FHIT: variants seen among roughly 807,000 people sequenced by gnomAD.
FHIT encodes bis(5'-adenosyl)-triphosphatase.
FHIT carries 19 observed loss-of-function variants against 17.9 expected under a neutral mutation model. The ratio of observed to expected loss-of-function variants is 1.06; its 90% CI spans 0.74 to 1.56. The LOEUF (loss-of-function observed/expected upper bound fraction) is 1.56. FHIT is among the 40% of genes most tolerant of loss of function. FHIT has a pLI of 0.00. For missense variants in FHIT, 248 were observed against 189.2 expected (o/e 1.31, Z -1.82); for synonymous variants, 81 against 69.7 (o/e 1.16, Z -0.81).
intron 3 of FHIT, among the ~76,000 whole-genome samples, chr3:60,923,831 G>A (rs1707421572): frequency 6.6e-6 from 1 of 152,130 alleles, no homozygotes; most frequent in African/African-American, 2.4e-5. Context: ...GTGACAGACG[G>A]CACCTGGAAA....
chr3:60,774,644 T>C (rs544944876), intron 4 of FHIT, among the ~76,000 whole-genome samples: 1 of 152,288 alleles, frequency 6.6e-6, no homozygotes, highest in African/African-American at 2.4e-5. Flanking sequence ...TGAACAACAA[T>C]AACTAATAAT....
chr3:61,109,387 A>G (rs1374099453), intron 2 of FHIT, among the ~76,000 whole-genome samples: 8 of 152,184 alleles, frequency 5.3e-5, no homozygotes, highest in African/African-American at 1.4e-4. Context: ...CCAATGGAAC[A>G]TGGCTGTATA....
chr3:60,320,796 A>G (rs1709391273), intron 5 of FHIT, among the ~76,000 whole-genome samples: 1 of 152,232 alleles, frequency 6.6e-6, no homozygotes, highest in South Asian at 2.1e-4. Flanking sequence ...TAAATTTGAA[A>G]TGGAGGAACA....
intron 7 of FHIT, among the ~76,000 whole-genome samples, chr3:59,953,986 C>T (rs1283240756): frequency 1.3e-5 from 2 of 152,150 alleles, no homozygotes; most frequent in Non-Finnish European, 2.9e-5. Flanking sequence ...TTCTTTTGTG[C>T]CCAGATGGGA....
chr3:61,210,861 G>A (rs12492551), intron 1 of FHIT, among the ~76,000 whole-genome samples: 65,130 of 151,438 alleles, frequency 0.43, 14,377 homozygotes, highest in East Asian at 0.58. Context: ...TGGTACCTCA[G>A]TTGGAAATGC....
In FHIT at chr3:60,134,695, C is replaced by T. The variant is rs183691395; in HGVS notation, c.104-120543G>A. The stretch of plus-strand genomic sequence containing the variant: ...CCAGCCAATCCTCCAAGAGAGACAC[C>T]GACAAATGTAGACACGTAAACATGC... On this transcript the variant is annotated intron_variant, in intron 5 of 9. Coordinates refer to ENST00000492590, the MANE Select transcript of FHIT (RefSeq NM_002012.4). 1.8e-4 allele frequency among the ~76,000 whole-genome samples: 27 copies of T among 152,248 alleles called. No homozygotes were observed. In the South Asian group the frequency reaches 2.7e-3, roughly 15 times the overall value.
intron 2 of FHIT, among the ~76,000 whole-genome samples, chr3:61,179,018 T>C (rs2038244142): frequency 6.8e-6 from 1 of 147,896 alleles, no homozygotes; most frequent in Non-Finnish European, 1.5e-5. Context: ...CTTTTTTTTT[T>C]TTTTTTTTTT....
intron 8 of FHIT, among the ~76,000 whole-genome samples, chr3:59,897,474 C>A (rs1049181816): frequency 6.6e-6 from 1 of 152,166 alleles, no homozygotes; most frequent in Non-Finnish European, 1.5e-5. Context: ...TATGTTGGTC[C>A]TTCCAACTAC....
At chr3:60,926,605 G>C (rs1707629805) in intron 3 of FHIT, among the ~76,000 whole-genome samples, 1 of 152,158 alleles carries the variant, frequency 6.6e-6, no homozygotes, top group African/African-American at 2.4e-5. Flanking sequence ...GAGAAATCAG[G>C]AAAGATCTAA....
chr3:60,213,161 T>C (rs561931537), intron 5 of FHIT, among the ~76,000 whole-genome samples: 101 of 152,268 alleles, frequency 6.6e-4, no homozygotes, highest in African/African-American at 2.4e-3. Flanking sequence ...TTGGCTTATA[T>C]AACTAGGTAT....
At chr3:60,000,140 T>A (rs1450356111) in intron 7 of FHIT, among the ~76,000 whole-genome samples, 1 of 152,178 alleles carries the variant, frequency 6.6e-6, no homozygotes, top group African/African-American at 2.4e-5. Context: ...CATCCACAAC[T>A]AATGCATCTA....
At position 61,012,730 on chromosome 3, in the gene FHIT, T is replaced by G. The variant is rs960202315; in HGVS notation, c.-111+29317A>C. Among the ~76,000 whole-genome samples, 12 of 151,648 alleles carry G rather than the reference T, an allele frequency of 7.9e-5. No homozygotes were observed. In the South Asian group the frequency reaches 2.5e-3, roughly 31 times the overall value. The stretch of plus-strand genomic sequence containing the variant: ...AAAAATATAAGAAATACATATTTTT[T>G]GTTTTGATCAATCTTGTGCTAATAA... On this transcript the variant is annotated intron_variant, in intron 3 of 9. Transcript: ENST00000492590.
At chr3:60,411,488 G>A (rs150111219) in intron 5 of FHIT, among the ~76,000 whole-genome samples, 178 of 152,224 alleles carry the variant, frequency 1.2e-3, no homozygotes, top group African/African-American at 3.9e-3. Context: ...ACTGCCAAAC[G>A]TTGTAGGGTT....
At chr3:60,464,838 C>G (rs1356143512) in intron 5 of FHIT, among the ~76,000 whole-genome samples, 1 of 152,102 alleles carries the variant, frequency 6.6e-6, no homozygotes, top group Non-Finnish European at 1.5e-5. Context: ...ACAGATAGCT[C>G]TTCAATACAC....
chr3:61,155,029 C>T (rs1004577715), intron 2 of FHIT, among the ~76,000 whole-genome samples: 3 of 152,208 alleles, frequency 2.0e-5, no homozygotes, highest in Non-Finnish European at 2.9e-5. Flanking sequence ...CCATCATTTC[C>T]GCTCTCTTCA....
At chr3:60,036,121 G>C (rs958024912) in intron 5 of FHIT, among the ~76,000 whole-genome samples, 10 of 152,194 alleles carry the variant, frequency 6.6e-5, no homozygotes, top group Non-Finnish European at 1.5e-4. Flanking sequence ...GCCATAACTA[G>C]TCATGTGGTT....
rs144051936 is a variant in FHIT at position 59,918,690 on chromosome 3, A to G, written c.348+3656T>C. Among the ~76,000 whole-genome samples the G allele has an allele frequency of 3.1e-3, 475 of 152,278 alleles. 1 individual carries two copies. The highest frequency in any genetic ancestry group is 0.01 in the Middle Eastern group (3 of 294). ...AAATAGGCAAGGATCTTAAACTCCA[A>G]TGCCTTCAGGAGCTATGCATGCACC... On this transcript the variant is annotated intron_variant, in intron 8 of 9. Transcript: ENST00000492590.
At chr3:60,087,014 C>A (rs1007480224) in intron 5 of FHIT, among the ~76,000 whole-genome samples, 35 of 152,146 alleles carry the variant, frequency 2.3e-4, no homozygotes, top group African/African-American at 8.5e-4. Flanking sequence ...CTAAAATCCT[C>A]TGAAATCTAT....
intron 2 of FHIT, among the ~76,000 whole-genome samples, chr3:61,167,298 C>T (rs937475990): frequency 1.3e-5 from 2 of 151,266 alleles, no homozygotes; most frequent in African/African-American, 4.8e-5. Context: ...CAATTAATAA[C>T]AAAATGAAAC....
Sources: allele counts gnomAD v4.1 joint callset (sites outside exome capture counted in the v4.1 genomes callset), GRCh38; gene constraint gnomAD v4.1.1; transcripts MANE v1.5; gene names NCBI Gene and HGNC (gene_info 2026-07-23, HGNC 2026-07-21).